Variants in IGF1 observed in about 807,000 individuals in gnomAD.
IGF1 encodes the protein insulin-like growth factor 1.
Under a neutral mutation model 13.8 loss-of-function variants are expected in IGF1, and 4 were observed. That is an observed-to-expected ratio of 0.29 (90% CI 0.14 to 0.66). The LOEUF (loss-of-function observed/expected upper bound fraction) is 0.66. Among genes scored for constraint, IGF1 ranks in the 30% least tolerant of loss-of-function variants. The pLI, the probability that IGF1 is intolerant of heterozygous loss-of-function variation, is 0.78. For missense variants in IGF1, 124 were observed against 188.5 expected, an observed-to-expected ratio of 0.66 and a Z score of 2.00; for synonymous variants, 76 against 72.6, an observed-to-expected ratio of 1.05 and a Z score of -0.23.
At chr12:102,414,495 C>T (rs981227215) in intron 3 of IGF1, among the ~76,000 whole-genome samples, 90 of 152,136 alleles carry the variant, frequency 5.9e-4, no homozygotes, top group Admixed American at 1.8e-3. Context: ...GATCTCGGCT[C>T]GCTGCAACCT....
intron 2 of IGF1, among the ~76,000 whole-genome samples, chr12:102,441,927 T>TCTG (rs1877817275): frequency 7.8e-6 from 1 of 127,746 alleles, no homozygotes; most frequent in Non-Finnish European, 1.7e-5. Flanking sequence ...TTCTTCTTCT[T>TCTG]CTTCTTCTTC....
In IGF1 at chr12:102,414,717, C is replaced by T. The variant is rs1002224822; in HGVS notation, c.402+4792G>A. On this transcript the variant is annotated intron_variant, in intron 3 of 3. Coordinates refer to ENST00000337514, the MANE Select transcript of IGF1 (RefSeq NM_000618.5). The stretch of plus-strand genomic sequence containing the variant: ...AGGATTACAGGCATGAGCCACTGTG[C>T]CCAGCCTTAAGGACTATATTTTAGC... Among the ~76,000 whole-genome samples, 7 of 152,170 alleles carry T rather than the reference C, an allele frequency of 4.6e-5. No individual in the cohort carries two copies. In the East Asian group the frequency reaches 9.6e-4, roughly 21 times the overall value.
chr12:102,427,716 G>A (rs1421068228), intron 2 of IGF1, among the ~76,000 whole-genome samples: 1 of 152,180 alleles, frequency 6.6e-6, no homozygotes, highest in Admixed American at 6.5e-5. Flanking sequence ...ATCCGGGCCT[G>A]CATCAGGGAG....
intron 3 of IGF1, among the ~76,000 whole-genome samples, chr12:102,413,164 A>C (rs1044221436): frequency 1.6e-4 from 24 of 152,228 alleles, no homozygotes; most frequent in African/African-American, 5.8e-4. Flanking sequence ...ACTCATAAAA[A>C]GGGATTTGGA....
chr12:102,472,592 A>G (rs913756254), intron 2 of IGF1, among the ~76,000 whole-genome samples: 8 of 152,212 alleles, frequency 5.3e-5, no homozygotes, highest in African/African-American at 1.9e-4. Context: ...TCACAGCCAC[A>G]ATAAAACTTT....
chr12:102,448,324 T>C (rs976181647), intron 2 of IGF1, among the ~76,000 whole-genome samples: 1 of 149,168 alleles, frequency 6.7e-6, no homozygotes, highest in African/African-American at 2.5e-5. Context: ...ATTAAGAAAA[T>C]GTGGCACACA....
In IGF1 at chr12:102,396,157, G is replaced by T. The variant is rs1325214554; in HGVS notation, c.*6350C>A. The T allele has an allele frequency of 6.6e-6, 1 of 152,128 alleles. No homozygotes were observed. Among genetic ancestry groups the T allele is most frequent in the Admixed American group, 6.5e-5 (1 of 15,274 alleles). 9.4% of individuals were successfully genotyped at this position (152,128 alleles called of 1,614,324 possible). On this transcript the variant is annotated 3_prime_UTR_variant, in exon 4 of 4. Coordinates refer to ENST00000337514, the MANE Select transcript of IGF1 (RefSeq NM_000618.5). Reference sequence around the variant, plus strand: ...GTCATTATTTTCTGGTTTCAAAGTAGCAGGGGAAATTAATTCAGTGTCTGT... The same window carrying T: ...GTCATTATTTTCTGGTTTCAAAGTATCAGGGGAAATTAATTCAGTGTCTGT...
At chr12:102,448,851 C>T (rs1878631962) in intron 2 of IGF1, among the ~76,000 whole-genome samples, 2 of 152,110 alleles carry the variant, frequency 1.3e-5, no homozygotes, top group Non-Finnish European at 2.9e-5. Context: ...CAATGAGATA[C>T]CATCTCATGC....
At chr12:102,405,510 T>C (rs542018328) in intron 3 of IGF1, among the ~76,000 whole-genome samples, 1 of 152,286 alleles carries the variant, frequency 6.6e-6, no homozygotes, top group South Asian at 2.1e-4. Flanking sequence ...CAATCAACAC[T>C]GTTGATGGTC....
chr12:102,461,192 C>G (rs541880611), intron 2 of IGF1, among the ~76,000 whole-genome samples: 1 of 152,168 alleles, frequency 6.6e-6, no homozygotes, highest in Non-Finnish European at 1.5e-5. Flanking sequence ...TCTCACTTTA[C>G]CTGCCCTGCT....
chr12:102,467,664 A>G (rs1487709043), intron 2 of IGF1, among the ~76,000 whole-genome samples: 1 of 152,206 alleles, frequency 6.6e-6, no homozygotes, highest in African/African-American at 2.4e-5. Flanking sequence ...CCTAAGTCTC[A>G]GGTGAATTTA....
At chr12:102,410,972 A>G (rs747583018) in intron 3 of IGF1, among the ~76,000 whole-genome samples, 2 of 152,262 alleles carry the variant, frequency 1.3e-5, no homozygotes, top group Non-Finnish European at 2.9e-5. Context: ...ATTCCAAGGC[A>G]GAGAATGGCT....
intron 2 of IGF1, among the ~76,000 whole-genome samples, chr12:102,446,194 G>A (rs1028935996): frequency 1.3e-5 from 2 of 152,074 alleles, no homozygotes; most frequent in African/African-American, 4.8e-5. Context: ...TTTTTTTGTT[G>A]TGTCTCTGCC....
chr12:102,480,717 C>A, upstream of IGF1: 2 of 628,454 alleles, frequency 3.2e-6, no homozygotes, highest in Non-Finnish European at 4.7e-6. Flanking sequence ...TAACATCATA[C>A]CTTTGCATTT....
chr12:102,474,439 C>T (rs1055594572), intron 2 of IGF1, among the ~76,000 whole-genome samples: 6 of 152,208 alleles, frequency 3.9e-5, no homozygotes, highest in Non-Finnish European at 8.8e-5. Flanking sequence ...AAGTACTGAT[C>T]GCCAATACCC....
At chr12:102,411,932 A>G (rs566657983) in intron 3 of IGF1, among the ~76,000 whole-genome samples, 10 of 152,330 alleles carry the variant, frequency 6.6e-5, no homozygotes, top group Non-Finnish European at 1.2e-4. Context: ...TAATAGAAGT[A>G]AGGGCAGGGG....
chr12:102,408,519 T>C lies in IGF1; in HGVS notation c.403-5953A>G, dbSNP rs373693813. Among the ~76,000 whole-genome samples the C allele has an allele frequency of 2.6e-4, 40 of 152,308 alleles. 1 individual carries two copies. The South Asian group carries it at 8.3e-3, about 32-fold the overall frequency. On this transcript the variant is annotated intron_variant, in intron 3 of 3. Coordinates refer to ENST00000337514, the MANE Select transcript of IGF1 (RefSeq NM_000618.5). The stretch of plus-strand genomic sequence containing the variant: ...TGCTTCTTTAACAGAGTGAGGGATA[T>C]GTACTTACTGGACACAGTTTTGGTT...
In IGF1 at chr12:102,421,105, A is replaced by T. The variant is rs17878845; in HGVS notation, c.221-1415T>A. Among the ~76,000 whole-genome samples, 1,214 of 152,156 alleles carry T rather than the reference A, an allele frequency of 8.0e-3. 17 individuals carry two copies. Among genetic ancestry groups the T allele is most frequent in the African/African-American group, 0.028 (1,163 of 41,510 alleles). On this transcript the variant is annotated intron_variant, in intron 2 of 3. Transcript: ENST00000337514. ...ATTCATGGCAACCTCTAAGAACCCA[A>T]ATGCTTTCCTGATGCTTGGCACAGG... is the stretch of plus-strand genomic sequence containing the variant.
At chr12:102,402,606 G>A in intron 3 of IGF1, 40 bp from the exon 4 acceptor site, 1 of 779,820 alleles carries the variant, frequency 1.3e-6, no homozygotes, top group East Asian at 2.4e-5. Context: ...ACTTGATGAA[G>A]TTTTATGTAT....
Sources: gnomAD v4.1 joint callset for allele counts (sites outside exome capture counted in the v4.1 genomes callset) on GRCh38, gnomAD v4.1.1 for gene constraint, MANE v1.5 for transcripts, NCBI Gene and HGNC (gene_info 2026-07-23, HGNC 2026-07-21) for gene names.